Variants in HCFC1 observed in about 807,000 individuals in gnomAD.
HCFC1 encodes host cell factor 1.
HCFC1 carries 7 observed loss-of-function variants against 105.5 expected under a neutral mutation model. That is an observed-to-expected ratio of 0.07 (90% CI 0.04 to 0.12). The LOEUF (loss-of-function observed/expected upper bound fraction) is 0.12. HCFC1 is among the 10% of genes least tolerant of loss of function. The pLI is 1.00. For missense variants in HCFC1, 1,065 were observed against 1,823.6 expected (o/e 0.58, Z 7.58); for synonymous variants, 918 against 828.1 (o/e 1.11, Z -1.86).
intron 8 of HCFC1, 147 bp downstream of exon 8, chrX:153,959,655 C>G (rs1179041865): frequency 1.1e-6 from 1 of 933,271 alleles, no homozygotes; most frequent in African/African-American, 2.0e-5. Flanking sequence ...CAGGCTTTAG[C>G]ATCCCCCTAC....
chrX:153,957,735 G>A (rs782574293), intron 12 of HCFC1, 47 bp downstream of exon 12: 2 of 1,003,142 alleles, frequency 2.0e-6, no homozygotes, highest in African/African-American at 1.9e-5. Flanking sequence ...CTGTGGCCTG[G>A]CACCCAGGCC....
intron 1 of HCFC1, among the ~76,000 whole-genome samples, chrX:153,966,280 A>T (rs1211128160): frequency 8.9e-6 from 1 of 112,324 alleles, no homozygotes; most frequent in Admixed American, 9.4e-5. Context: ...GCTCCTCCTG[A>T]GGCGAGAGCA....
chrX:153,951,917 A>T lies in HCFC1; in HGVS notation c.5184T>A (p.Ile1728=). The T allele has an allele frequency of 8.4e-6, 10 of 1,189,096 alleles. No homozygotes were observed. Among genetic ancestry groups the T allele is most frequent in the Non-Finnish European group, 1.1e-5 (10 of 882,736 alleles). Reference sequence around the variant, plus strand: ...CCAGCTCATTGAGGCAATTGCTCTCAATGGCTGGGTCGTTGAGACTGTCGG... The same window carrying T: ...CCAGCTCATTGAGGCAATTGCTCTCTATGGCTGGGTCGTTGAGACTGTCGG... ...APADSLNDPA[I]ESNCLNELAG... The change falls in exon 20 of 26, where the codon ATT becomes ATA. Residue 1728 remains isoleucine (I), a synonymous_variant. Coordinates refer to ENST00000310441, the MANE Select transcript of HCFC1 (RefSeq NM_005334.3).
intron 1 of HCFC1, 131 bp downstream of exon 1, chrX:153,970,517 T>G (rs1284448896): frequency 3.3e-4 from 106 of 324,151 alleles, no homozygotes; most frequent in African/African-American, 2.0e-3. Context: ...GAGGGAAGGG[T>G]AGAGGGTGAG....
rs782819738 is a variant in HCFC1 at position 153,952,677 on chromosome X, G to A, written c.4779C>T (p.Ala1593=). The A allele has an allele frequency of 9.1e-6, 11 of 1,210,856 alleles. No homozygotes were observed. Among genetic ancestry groups the A allele is most frequent in the South Asian group, 3.5e-5 (2 of 56,953 alleles). ...DQLSLPQELM[A]EAQAGTTTLM... is the part of the protein sequence containing the mutation. Reference sequence around the variant, plus strand: ...GGGTGGTGGTGCCAGCTTGGGCCTCGGCCATTAGCTCTTGGGGAAGTGATA... The same window carrying A: ...GGGTGGTGGTGCCAGCTTGGGCCTCAGCCATTAGCTCTTGGGGAAGTGATA... The change falls in exon 19 of 26, where the codon GCC becomes GCT. Residue 1593 remains alanine, a synonymous_variant. Coordinates refer to ENST00000310441, the MANE Select transcript of HCFC1 (RefSeq NM_005334.3).
chrX:153,949,107 A>C lies in HCFC1; in HGVS notation c.*240T>G. ...CAGGGTGGGCGGCAGCGGGGAGGAA[A>C]GGAAGCGCGCTCCTCTCTCTGCTTT... On this transcript the variant is annotated 3_prime_UTR_variant, in exon 26 of 26. Coordinates refer to ENST00000310441, the MANE Select transcript of HCFC1 (RefSeq NM_005334.3). 1 of 319,273 alleles carries C rather than the reference A, an allele frequency of 3.1e-6. No individual in the cohort carries two copies. The allele number at this position is 319,273 out of a possible 1,213,427, so 26.3% of individuals were successfully genotyped here. A position where few individuals can be genotyped will look rare whatever the true frequency, so the allele number is the denominator to read the frequency against.
At position 153,954,198 on chromosome X, in the gene HCFC1, G is replaced by A; in HGVS notation, c.4201C>T (p.Pro1401Ser). The A allele has an allele frequency of 8.3e-7, 1 of 1,206,566 alleles. No individual in the cohort carries two copies. The change falls in exon 17 of 26, where the codon CCC becomes TCC. Residue 1401 changes from proline (P) to serine (S), a missense_variant. Physicochemically the swap from Pro to Ser is moderately conservative, Grantham distance 74 (BLOSUM62 -1). Transcript: ENST00000310441. ...LEVAAAPSVT[P>S]QAGTALLAPF... The stretch of plus-strand genomic sequence containing the variant: ...GCCAGCAGCGCGGTGCCAGCCTGGG[G>A]GGTGACGCTGGGTGCCGCCGCCACC...
rs1341154279 is a variant in HCFC1, at chrX:153,952,459, C to T, written c.4942+55G>A. The T allele has an allele frequency of 2.0e-5, 22 of 1,074,720 alleles. No homozygotes were observed. The East Asian group carries it at 4.6e-4, about 22-fold the overall frequency. The allele number at this position is 1,074,720 out of a possible 1,213,427, so 88.6% of individuals were successfully genotyped here. On this transcript the variant is annotated intron_variant, in intron 19 of 25. Coordinates refer to ENST00000310441, the MANE Select transcript of HCFC1 (RefSeq NM_005334.3). ...GGCTCCTCTTCCCAGGCTGTCTCCG[C>T]GGCCTATTGCTCCCCCGAGCGGCCC...
At chrX:153,953,562 G>C (rs376324402) in intron 18 of HCFC1, 45 bp downstream of exon 18, 1 of 1,175,247 alleles carries the variant, frequency 8.5e-7, no homozygotes, top group Non-Finnish European at 1.2e-6. Context: ...CTGCACGGGC[G>C]TAGGCCGGGA....
intron 1 of HCFC1, among the ~76,000 whole-genome samples, chrX:153,967,417 G>A (rs782527415): frequency 8.9e-6 from 1 of 112,376 alleles, no homozygotes; most frequent in Non-Finnish European, 1.9e-5. Context: ...ATCCCTGGTT[G>A]CCACTGTCCC....
In HCFC1 at chrX:153,952,644, T is replaced by A; in HGVS notation, c.4812A>T (p.Val1604=). Reference sequence around the variant, plus strand: ...CCAGCTCCTCGGGGGTGAGCCCCGTTACCATGAGGGTGGTGGTGCCAGCTT... The same window carrying A: ...CCAGCTCCTCGGGGGTGAGCCCCGTAACCATGAGGGTGGTGGTGCCAGCTT... ...EAQAGTTTLM[V]TGLTPEELAV... Residue 1604 remains valine (V), a synonymous_variant, in exon 19 of 26, where the codon GTA becomes GTT. Coordinates refer to ENST00000310441, the MANE Select transcript of HCFC1 (RefSeq NM_005334.3). The A allele has an allele frequency of 8.3e-7, 1 of 1,211,344 alleles. No homozygotes were observed. Among genetic ancestry groups the A allele is most frequent in the African/African-American group, 1.7e-5 (1 of 58,104 alleles).
At chrX:153,958,523 G>A (rs2065399476) in intron 10 of HCFC1, 46 bp downstream of exon 10, 1 of 1,091,426 alleles carries the variant, frequency 9.2e-7, no homozygotes, top group African/African-American at 1.8e-5. Flanking sequence ...CGGAGGGAAT[G>A]ACTATGCTTG....
At chrX:153,952,410 C>A in intron 19 of HCFC1, 104 bp downstream of exon 19, 1 of 956,902 alleles carries the variant, frequency 1.0e-6, no homozygotes, top group Non-Finnish European at 1.4e-6. Context: ...TCACATCTGG[C>A]TCATGCCACC....
rs1475823039 is a variant in HCFC1, at chrX:153,963,227, A to G, written c.710T>C (p.Ile237Thr). 8.3e-7 allele frequency: 1 copy of G among 1,202,377 alleles called. No individual in the cohort carries two copies. Among genetic ancestry groups the G allele is most frequent in the East Asian group, 3.0e-5 (1 of 33,814 alleles). Residue 237 changes from isoleucine (I) to threonine (T), a missense_variant and splice_region_variant, in exon 4 of 26, where the codon ATT becomes ACT. Transcript: ENST00000310441. ...TGGGGTGCTACCACCCTGCTCACCA[A>G]TATCTAGGGTCCACAGGTCCCCCAG... is the stretch of plus-strand genomic sequence containing the variant. The part of the protein sequence containing the change: ...CRLGDLWTLD[I>T]DTLTWNKPSL...
chrX:153,967,045 G>A lies in HCFC1; in HGVS notation c.194-2319C>T, dbSNP rs964883833. ...CAGGGCAGGGGCCCTCCCCACCCCC[G>A]TCAAGAGAGGTCTGTCAGGGAGCAC... is the stretch of plus-strand genomic sequence containing the variant. On this transcript the variant is annotated intron_variant, in intron 1 of 25. Transcript: ENST00000310441. Among the ~76,000 whole-genome samples the A allele has an allele frequency of 3.6e-5, 4 of 112,119 alleles. No homozygotes were observed. The South Asian group carries it at 1.1e-3, about 31-fold the overall frequency.
At chrX:153,950,215 C>T (rs2065297461) in intron 24 of HCFC1, 28 bp downstream of exon 24, 14 of 1,138,297 alleles carry the variant, frequency 1.2e-5, no homozygotes, top group Non-Finnish European at 1.6e-5. Flanking sequence ...CTTCCCTGTG[C>T]CTGAAGAGCT....
Position 153,958,786 on chromosome X carries a change from G to A in HCFC1, c.1606-20C>T. 1 of 1,122,205 alleles carries A rather than the reference G, an allele frequency of 8.9e-7. No homozygotes were observed. Among genetic ancestry groups the A allele is most frequent in the Non-Finnish European group, 1.2e-6 (1 of 839,579 alleles). 92.5% of individuals were successfully genotyped at this position (1,122,205 alleles called of 1,213,427 possible). A position where few individuals can be genotyped will look rare whatever the true frequency, so the allele number is the denominator to read the frequency against. On this transcript the variant is annotated intron_variant, in intron 9 of 25. Transcript: ENST00000310441. ...AATCACCTGCAGCAGGCACGGGCAT[G>A]TGAGGCCAGGTCACAGGTGCCACCC...
chrX:153,966,557 C>T (rs1557118431), intron 1 of HCFC1, among the ~76,000 whole-genome samples: 1 of 112,751 alleles, frequency 8.9e-6, no homozygotes, highest in Non-Finnish European at 1.9e-5. Context: ...CACTGGAGAG[C>T]CGTCCTGACC....
chrX:153,970,764 G>C lies in HCFC1; in HGVS notation c.77C>G (p.Ser26Trp). ...GTGGCGGGGCCGTGGCACCGGACCC[G>C]ACCAGCCCACCACTCGCTTCCAGCG... ...QPRWKRVVGW[S>W]GPVPRPRHGH... Residue 26 changes from serine (S) to tryptophan (W), a missense_variant, in exon 1 of 26, where the codon TCG becomes TGG. Physicochemically the swap from Ser to Trp is radical, Grantham distance 177. Coordinates refer to ENST00000310441, the MANE Select transcript of HCFC1 (RefSeq NM_005334.3). 1.7e-6 allele frequency: 2 copies of C among 1,205,917 alleles called. No homozygotes were observed. Among genetic ancestry groups the C allele is most frequent in the Non-Finnish European group, 2.2e-6 (2 of 892,753 alleles).
Sources: allele counts gnomAD v4.1 joint callset (sites outside exome capture counted in the v4.1 genomes callset), GRCh38; gene constraint gnomAD v4.1.1; transcripts MANE v1.5; gene names NCBI Gene and HGNC (gene_info 2026-07-23, HGNC 2026-07-21).